The following ARHGAP29 variants were observed in gnomAD, a reference collection of about 807,000 sequenced individuals.
ARHGAP29 encodes the protein rho GTPase-activating protein 29.
ARHGAP29 carries 43 observed loss-of-function variants against 122.6 expected under a neutral mutation model. The observed-to-expected ratio is 0.35, with a 90% CI of 0.27 to 0.45. The LOEUF is 0.45. Among genes scored for constraint, ARHGAP29 ranks in the 20% least tolerant of loss-of-function variants. ARHGAP29 has a pLI of 1.00. For synonymous variants in ARHGAP29, 506 were observed against 497.1 expected (o/e 1.02, Z -0.24); for missense variants, 1,303 against 1,477.2 (o/e 0.88, Z 1.93).
intron 3 of ARHGAP29, among the ~76,000 whole-genome samples, chr1:94,215,667 A>C (rs539631615): frequency 6.6e-6 from 1 of 152,316 alleles, no homozygotes; most frequent in South Asian, 2.1e-4. Context: ...CATCAGAAGA[A>C]AAAACATTCA....
intron 1 of ARHGAP29, chr1:94,250,363 T>C (rs1213089656): frequency 6.6e-6 from 1 of 152,214 alleles, no homozygotes; most frequent in East Asian, 1.9e-4. Context: ...TCAGGGAATT[T>C]TAAATCCACC....
intron 1 of ARHGAP29, among the ~76,000 whole-genome samples, chr1:94,273,623 A>C (rs1655077340): frequency 6.6e-6 from 1 of 152,248 alleles, no homozygotes; most frequent in African/African-American, 2.4e-5. Context: ...AATGTATAAG[A>C]AGTCAAGTCC....
At chr1:94,236,269 C>A (rs1161915655) in intron 1 of ARHGAP29, among the ~76,000 whole-genome samples, 8 of 152,184 alleles carry the variant, frequency 5.3e-5, no homozygotes, top group Non-Finnish European at 2.9e-5. Flanking sequence ...GAACCTAGCA[C>A]GCTTTAAAAA....
At chr1:94,268,048 T>A (rs1381185973) in intron 1 of ARHGAP29, among the ~76,000 whole-genome samples, 3 of 152,060 alleles carry the variant, frequency 2.0e-5, no homozygotes, top group Non-Finnish European at 4.4e-5. Flanking sequence ...AAACATAAAC[T>A]TCTTCTGATA....
chr1:94,258,809 T>G (rs561672441), intron 1 of ARHGAP29, among the ~76,000 whole-genome samples: 2 of 152,338 alleles, frequency 1.3e-5, no homozygotes, highest in South Asian at 4.1e-4. Context: ...TTAAAGAGAC[T>G]AATTAATATG....
intron 12 of ARHGAP29, chr1:94,195,720 T>C (rs115218611): frequency 3.3e-5 from 5 of 151,978 alleles, no homozygotes; most frequent in African/African-American, 1.2e-4. Context: ...AATAGATTTT[T>C]AAAAAAAATC....
chr1:94,249,199 A>G (rs147060645), intron 1 of ARHGAP29, among the ~76,000 whole-genome samples: 28 of 152,376 alleles, frequency 1.8e-4, no homozygotes, highest in African/African-American at 5.3e-4. Flanking sequence ...TTTTTTACCT[A>G]TAAATGTTTC....
At chr1:94,215,471 A>T (rs1557867643) in intron 3 of ARHGAP29, among the ~76,000 whole-genome samples, 2 of 152,158 alleles carry the variant, frequency 1.3e-5, no homozygotes, top group East Asian at 3.8e-4. Context: ...TGGGCATACA[A>T]CTAAACAAAT....
chr1:94,281,857 T>G, the ARHGAP29 span, among the ~76,000 whole-genome samples: 7 of 152,148 alleles, frequency 4.6e-5, no homozygotes, highest in Non-Finnish European at 8.8e-5. Context: ...CTTGGGGATG[T>G]GAGAGCTTAA....
At chr1:94,182,632 T>C (rs1182843465) in intron 19 of ARHGAP29, among the ~76,000 whole-genome samples, 1 of 152,074 alleles carries the variant, frequency 6.6e-6, no homozygotes, top group East Asian at 1.9e-4. Context: ...AAAAACACCT[T>C]TGAATTTCTG....
rs981320203 is a variant in ARHGAP29, at chr1:94,172,395, C to G, written c.*1474G>C. On this transcript the variant is annotated 3_prime_UTR_variant, in exon 23 of 23. Coordinates refer to ENST00000260526, the MANE Select transcript of ARHGAP29 (RefSeq NM_004815.4). ...TTGTACAATGAGGACTAAAAACAAGCCTTCAGAAAAAAAAGGGCTGGTTAT... is the reference window on the plus strand; with the variant it reads ...TTGTACAATGAGGACTAAAAACAAGGCTTCAGAAAAAAAAGGGCTGGTTAT... 2.0e-5 allele frequency: 3 copies of G among 151,772 alleles called. No homozygotes were observed. Among genetic ancestry groups the G allele is most frequent in the Non-Finnish European group, 1.5e-5 (1 of 67,954 alleles). 9.4% of individuals were successfully genotyped at this position (151,772 alleles called of 1,614,324 possible).
chr1:94,283,350 G>A, the ARHGAP29 span, among the ~76,000 whole-genome samples: 4 of 152,140 alleles, frequency 2.6e-5, no homozygotes, highest in Non-Finnish European at 4.4e-5. Flanking sequence ...GGGCTGCTGA[G>A]TGGTTTAGAG....
At chr1:94,254,416 A>G (rs978678004) in intron 1 of ARHGAP29, among the ~76,000 whole-genome samples, 12 of 152,214 alleles carry the variant, frequency 7.9e-5, no homozygotes, top group Non-Finnish European at 1.3e-4. Flanking sequence ...AGGGTGGAGA[A>G]CAGATAGAAT....
chr1:94,246,586 T>C (rs1199152215), intron 1 of ARHGAP29, among the ~76,000 whole-genome samples: 1 of 134,040 alleles, frequency 7.5e-6, no homozygotes, highest in South Asian at 2.5e-4. Context: ...AAAAAAACAA[T>C]GTGGAACGCC....
intron 1 of ARHGAP29, among the ~76,000 whole-genome samples, chr1:94,257,230 C>T (rs745800321): frequency 4.0e-5 from 6 of 151,864 alleles, no homozygotes; most frequent in South Asian, 2.1e-4. Flanking sequence ...TGTGAAACCC[C>T]GTCTCTACTA....
At chr1:94,240,620 G>C (rs1043692722), upstream of ARHGAP29, among the ~76,000 whole-genome samples, 1 of 152,138 alleles carries the variant, frequency 6.6e-6, no homozygotes, top group Non-Finnish European at 1.5e-5. Context: ...ACAAGTTGCA[G>C]AAAAACATTT....
the ARHGAP29 span, among the ~76,000 whole-genome samples, chr1:94,286,529 G>A: frequency 9.9e-5 from 15 of 151,972 alleles, no homozygotes; most frequent in Non-Finnish European, 1.8e-4. Flanking sequence ...TTAGCCAGGC[G>A]TGGTGATGCA....
intron 3 of ARHGAP29, among the ~76,000 whole-genome samples, chr1:94,213,442 A>G (rs1161061088): frequency 6.6e-6 from 1 of 152,172 alleles, no homozygotes; most frequent in Non-Finnish European, 1.5e-5. Context: ...TCGGCCTGCC[A>G]AAGTGCTGGG....
At chr1:94,274,574 T>TG (rs1236164254) in intron 1 of ARHGAP29, among the ~76,000 whole-genome samples, 1 of 152,154 alleles carries the variant, frequency 6.6e-6, no homozygotes, top group Non-Finnish European at 1.5e-5. Flanking sequence ...GAGTCTAATG[T>TG]GGGAAAAAAG....
Sources: gnomAD v4.1 joint callset for allele counts (sites outside exome capture counted in the v4.1 genomes callset) on GRCh38, gnomAD v4.1.1 for gene constraint, MANE v1.5 for transcripts, NCBI Gene and HGNC (gene_info 2026-07-23, HGNC 2026-07-21) for gene names.